The following CATSPERB variants were observed in gnomAD, a reference collection of about 807,000 sequenced individuals.
CATSPERB encodes cation channel sperm-associated auxiliary subunit beta.
A neutral mutation model predicts 128.3 loss-of-function variants in CATSPERB; 93 were observed. That is an observed-to-expected ratio of 0.72 (90% CI 0.61 to 0.86). The LOEUF is 0.86. Ranked by LOEUF, CATSPERB falls within the 40% of genes least tolerant of loss-of-function variation. The pLI is 0.00. For synonymous variants in CATSPERB, 381 were observed against 448.8 expected (o/e 0.85, Z 1.91); for missense variants, 1,153 against 1,329.5 (o/e 0.87, Z 2.06).
intron 4 of CATSPERB, 134 bp from the exon 5 acceptor site, chr14:91,719,612 CTT>C (rs1380166992): frequency 1.7e-5 from 10 of 600,886 alleles, no homozygotes; most frequent in Non-Finnish European, 2.8e-5. Context: ...AAATTTCACT[CTT>C]AGGAATTTTT....
intron 20 of CATSPERB, among the ~76,000 whole-genome samples, chr14:91,617,367 G>A (rs1378138740): frequency 6.6e-6 from 1 of 152,014 alleles, no homozygotes; most frequent in Non-Finnish European, 1.5e-5. Context: ...TTTCTTTTAA[G>A]TTTGATAAAT....
chr14:91,628,376 A>G (rs1026974370), intron 17 of CATSPERB, among the ~76,000 whole-genome samples: 1 of 152,184 alleles, frequency 6.6e-6, no homozygotes, highest in African/African-American at 2.4e-5. Flanking sequence ...CTTAACAGAT[A>G]CCTCACCAAA....
intron 7 of CATSPERB, among the ~76,000 whole-genome samples, chr14:91,700,907 T>A (rs933999360): frequency 7.2e-5 from 11 of 151,916 alleles, no homozygotes; most frequent in African/African-American, 2.2e-4. Context: ...ATTCCAAACC[T>A]CAGCATCACA....
Position 91,621,350 on chromosome 14 carries a change from A to C in CATSPERB, c.2260+258T>G, listed in dbSNP as rs142977148. ...AGGAGGTGGAGGCTGCAGTGATCCA[A>C]GACTGTGCCACTGTACTCCAGCCTG... On this transcript the variant is annotated intron_variant, in intron 19 of 26. Coordinates refer to ENST00000256343, the MANE Select transcript of CATSPERB (RefSeq NM_024764.4). Among the ~76,000 whole-genome samples the C allele has an allele frequency of 6.4e-3, 975 of 152,334 alleles. 6 individuals are homozygous for C. The highest frequency in any genetic ancestry group is 1.0e-2 in the Non-Finnish European group (679 of 68,034).
At chr14:91,650,365 C>T (rs929264148) in intron 15 of CATSPERB, among the ~76,000 whole-genome samples, 8 of 152,048 alleles carry the variant, frequency 5.3e-5, no homozygotes, top group Admixed American at 3.9e-4. Flanking sequence ...ACCAGTGTCA[C>T]GGAAGGAATC....
intron 7 of CATSPERB, among the ~76,000 whole-genome samples, chr14:91,698,125 G>A (rs1895592585): frequency 6.6e-6 from 1 of 152,006 alleles, no homozygotes; most frequent in Non-Finnish European, 1.5e-5. Flanking sequence ...AGGGGTGTGT[G>A]TGTGGTGGGG....
intron 7 of CATSPERB, among the ~76,000 whole-genome samples, chr14:91,698,840 T>A (rs1164128686): frequency 6.6e-6 from 1 of 152,202 alleles, no homozygotes; most frequent in Non-Finnish European, 1.5e-5. Flanking sequence ...TGGTTTTTTT[T>A]ATCCCTAGCT....
intron 15 of CATSPERB, among the ~76,000 whole-genome samples, chr14:91,657,229 G>A (rs2750479): frequency 9.9e-5 from 15 of 151,838 alleles, no homozygotes; most frequent in Admixed American, 2.0e-4. Context: ...CAGAATGCAC[G>A]CTCTTCTCCT....
intron 15 of CATSPERB, among the ~76,000 whole-genome samples, chr14:91,652,082 T>C (rs1169372485): frequency 3.3e-5 from 5 of 152,134 alleles, no homozygotes; most frequent in East Asian, 1.9e-4. Context: ...AAAGGAAAGA[T>C]TGGTCAATTG....
chr14:91,701,245 A>G (rs1363815753), intron 7 of CATSPERB, among the ~76,000 whole-genome samples: 1 of 152,206 alleles, frequency 6.6e-6, no homozygotes, highest in Admixed American at 6.5e-5. Flanking sequence ...TCTGAGTTCA[A>G]AAAAGCTCCA....
rs529543565 is a variant in CATSPERB, at chr14:91,637,759, C to T, written c.1588-1180G>A. 4.6e-5 allele frequency among the ~76,000 whole-genome samples: 7 copies of T among 152,072 alleles called. No individual in the cohort carries two copies. In the South Asian group the frequency reaches 8.3e-4, roughly 18 times the overall value. ...GAAGTGATATTGCTGAGTATGGCTT[C>T]GTCAAACTTGTCCTAAGTATACAAA... On this transcript the variant is annotated intron_variant, in intron 16 of 26. Coordinates refer to ENST00000256343, the MANE Select transcript of CATSPERB (RefSeq NM_024764.4).
At chr14:91,679,303 A>T (rs1895242293) in intron 11 of CATSPERB, among the ~76,000 whole-genome samples, 2 of 152,170 alleles carry the variant, frequency 1.3e-5, no homozygotes, top group Non-Finnish European at 2.9e-5. Flanking sequence ...ACTAGGTAAT[A>T]TATAATTCTG....
chr14:91,629,465 T>C (rs1284886273), intron 17 of CATSPERB, among the ~76,000 whole-genome samples: 1 of 152,180 alleles, frequency 6.6e-6, no homozygotes, highest in African/African-American at 2.4e-5. Flanking sequence ...TATACATTTG[T>C]TCAAACCCAT....
In CATSPERB at chr14:91,622,809, CTCTCA is replaced by C. The variant is rs1266476773; in HGVS notation, c.1931-877_1931-873del. Among the ~76,000 whole-genome samples the C allele has an allele frequency of 2.6e-5, 4 of 151,956 alleles. No individual in the cohort carries two copies. The East Asian group carries it at 7.7e-4, about 29-fold the overall frequency. On this transcript the variant is annotated intron_variant, in intron 18 of 26. Coordinates refer to ENST00000256343, the MANE Select transcript of CATSPERB (RefSeq NM_024764.4). ...ACCTTTATTCACTGTCTCCACTCTC[CTCTCA>C]TAATTTTTCGAACCCATTCCAATCA...
intron 4 of CATSPERB, among the ~76,000 whole-genome samples, chr14:91,722,629 A>T (rs1896054045): frequency 6.6e-6 from 1 of 152,172 alleles, no homozygotes; most frequent in Non-Finnish European, 1.5e-5. Flanking sequence ...ATTTAAGTGC[A>T]CACTTTAAAT....
intron 2 of CATSPERB, among the ~76,000 whole-genome samples, chr14:91,727,727 G>A (rs568393223): frequency 2.0e-5 from 3 of 152,200 alleles, no homozygotes; most frequent in African/African-American, 7.2e-5. Flanking sequence ...TTCTTAAATG[G>A]TGAGACACTA....
At position 91,708,165 on chromosome 14, in the gene CATSPERB, C is replaced by T. The variant is rs1178266882; in HGVS notation, c.442G>A (p.Gly148Arg). The change falls in exon 6 of 27, where the codon GGA (glycine) becomes AGA (arginine). Residue 148 changes from glycine to arginine, a missense_variant. Gly to Arg is a moderately radical substitution (Grantham distance 125, BLOSUM62 -2). Transcript: ENST00000256343. Reference protein sequence around the residue: ...HHGLNIYATEGTLLDVIREPI... With the variant: ...HHGLNIYATERTLLDVIREPI... ...CCTCGAATAACATCCAATAGAGTTCCTTCAGTAGCATAAATATTTAGTCCA... is the reference window on the plus strand; with the variant it reads ...CCTCGAATAACATCCAATAGAGTTCTTTCAGTAGCATAAATATTTAGTCCA... 1.9e-6 allele frequency: 3 copies of T among 1,609,736 alleles called. No individual in the cohort carries two copies.
intron 23 of CATSPERB, among the ~76,000 whole-genome samples, chr14:91,590,373 A>G (rs1893376318): frequency 6.6e-6 from 1 of 152,062 alleles, no homozygotes; most frequent in Admixed American, 6.6e-5. Context: ...TCTACTGAAA[A>G]TACAAAAATT....
At chr14:91,665,568 A>C (rs1003785841) in intron 14 of CATSPERB, among the ~76,000 whole-genome samples, 34 of 152,296 alleles carry the variant, frequency 2.2e-4, no homozygotes, top group African/African-American at 7.9e-4. Context: ...AGAAGAAATT[A>C]GAGATTTTAA....
Sources: allele counts gnomAD v4.1 joint callset (sites outside exome capture counted in the v4.1 genomes callset), GRCh38; gene constraint gnomAD v4.1.1; transcripts MANE v1.5; gene names NCBI Gene and HGNC (gene_info 2026-07-23, HGNC 2026-07-21).